Variants in SNTB1 observed in about 807,000 individuals in gnomAD.
SNTB1 encodes syntrophin beta 1.
In SNTB1, 36 loss-of-function variants were observed where a neutral mutation model predicts 48.9. The ratio of observed to expected loss-of-function variants is 0.74; its 90% CI spans 0.56 to 0.97. SNTB1 has a LOEUF of 0.97. SNTB1 is among the 50% of genes least tolerant of loss of function. The pLI, the probability that SNTB1 is intolerant of heterozygous loss-of-function variation, is 0.00. For missense variants in SNTB1, 786 were observed against 703.4 expected (o/e 1.12, Z -1.33); for synonymous variants, 299 against 294.6 (o/e 1.01, Z -0.15).
chr8:120,801,951 G>C (rs984692215), intron 1 of SNTB1, among the ~76,000 whole-genome samples: 1 of 152,122 alleles, frequency 6.6e-6, no homozygotes, highest in African/African-American at 2.4e-5. Context: ...CTTTCTGAGT[G>C]ATGGGTCTAT....
At chr8:120,799,608 A>G (rs1820182167) in intron 1 of SNTB1, among the ~76,000 whole-genome samples, 1 of 152,020 alleles carries the variant, frequency 6.6e-6, no homozygotes, top group African/African-American at 2.4e-5. Flanking sequence ...AAATGAAGGA[A>G]AAGTGGAGAA....
At chr8:120,745,408 C>T (rs563559029) in intron 1 of SNTB1, among the ~76,000 whole-genome samples, 33 of 152,178 alleles carry the variant, frequency 2.2e-4, no homozygotes, top group Middle Eastern at 3.4e-3. Context: ...ATCCTACAGA[C>T]GGAGAGAAGC....
intron 3 of SNTB1, among the ~76,000 whole-genome samples, chr8:120,576,178 A>G (rs1200993524): frequency 1.3e-5 from 2 of 152,204 alleles, no homozygotes; most frequent in Non-Finnish European, 2.9e-5. Context: ...CATTTTAACA[A>G]AATCTTCAGG....
At chr8:120,624,185 A>G (rs992045370) in intron 3 of SNTB1, among the ~76,000 whole-genome samples, 2 of 152,072 alleles carry the variant, frequency 1.3e-5, no homozygotes, top group Non-Finnish European at 2.9e-5. Context: ...TGATCCACCC[A>G]TCTCAGCCTC....
At chr8:120,713,870 T>G (rs1818509508) in intron 1 of SNTB1, among the ~76,000 whole-genome samples, 1 of 152,194 alleles carries the variant, frequency 6.6e-6, no homozygotes, top group Non-Finnish European at 1.5e-5. Flanking sequence ...TAATTGGATG[T>G]AGGCATTAAA....
Position 120,548,958 on chromosome 8 carries a change from C to G in SNTB1, c.1137G>C (p.Arg379Ser). 6.4e-7 allele frequency: 1 copy of G among 1,560,580 alleles called. No individual in the cohort carries two copies. Among genetic ancestry groups the G allele is most frequent in the Non-Finnish European group, 8.7e-7 (1 of 1,155,438 alleles). The change falls in exon 5 of 7, where the codon AGG becomes AGC. Residue 379 changes from arginine to serine, a missense_variant and splice_region_variant. Physicochemically the swap from Arg to Ser is moderately radical, Grantham distance 110 (BLOSUM62 -1). Coordinates refer to ENST00000517992, the MANE Select transcript of SNTB1 (RefSeq NM_021021.4). ...PVHTYPLLAT[R>S]LVHSGPGKGS... ...CCTTTCCTGGACCTGAATGGACCAG[C>G]CTGGAGAGAGAGAGAGAGAGACATC...
At chr8:120,686,132 C>A (rs770616559) in intron 2 of SNTB1, among the ~76,000 whole-genome samples, 1 of 152,164 alleles carries the variant, frequency 6.6e-6, no homozygotes, top group Non-Finnish European at 1.5e-5. Context: ...GAGACCTCAC[C>A]AGAATTCTCC....
intron 1 of SNTB1, among the ~76,000 whole-genome samples, chr8:120,727,850 T>C (rs1395636014): frequency 6.6e-6 from 1 of 152,144 alleles, no homozygotes; most frequent in East Asian, 1.9e-4. Context: ...TGCTATACCA[T>C]ATAGCTTCCT....
At chr8:120,591,734 G>C (rs1331945776) in intron 3 of SNTB1, among the ~76,000 whole-genome samples, 1 of 152,082 alleles carries the variant, frequency 6.6e-6, no homozygotes. Flanking sequence ...TTGTTCCCCT[G>C]GGTGTCCTAT....
intron 1 of SNTB1, among the ~76,000 whole-genome samples, chr8:120,756,748 T>C (rs1455450213): frequency 6.6e-6 from 1 of 152,094 alleles, no homozygotes; most frequent in African/African-American, 2.4e-5. Flanking sequence ...TAATGGGGCT[T>C]TTTATATCCC....
intron 3 of SNTB1, among the ~76,000 whole-genome samples, chr8:120,615,058 G>A (rs1816690518): frequency 6.6e-6 from 1 of 151,742 alleles, no homozygotes; most frequent in East Asian, 1.9e-4. Context: ...GGCTAAGGCA[G>A]GGGAATCACT....
chr8:120,675,367 A>G (rs1817818634), intron 2 of SNTB1, among the ~76,000 whole-genome samples: 1 of 152,192 alleles, frequency 6.6e-6, no homozygotes, highest in African/African-American at 2.4e-5. Context: ...TATTAGTTAC[A>G]ATAGGATAGA....
chr8:120,766,975 T>C (rs1328566954), intron 1 of SNTB1, among the ~76,000 whole-genome samples: 5 of 151,864 alleles, frequency 3.3e-5, no homozygotes, highest in Admixed American at 3.3e-4. Context: ...ATCCCAGAGT[T>C]TTTTTCACAA....
At chr8:120,588,009 T>A (rs1021720293) in intron 3 of SNTB1, among the ~76,000 whole-genome samples, 24 of 152,164 alleles carry the variant, frequency 1.6e-4, no homozygotes, top group Non-Finnish European at 3.2e-4. Context: ...ACAATTTTTT[T>A]AAAAAAGCTA....
intron 2 of SNTB1, among the ~76,000 whole-genome samples, chr8:120,687,416 G>C (rs371068119): frequency 1.1e-4 from 16 of 152,178 alleles, no homozygotes; most frequent in African/African-American, 3.4e-4. Context: ...GGGCAGGGAA[G>C]GGCCACATGG....
chr8:120,544,790 CTTTTTTT>C (rs113100073), intron 5 of SNTB1, among the ~76,000 whole-genome samples: 19 of 114,154 alleles, frequency 1.7e-4, no homozygotes, highest in Admixed American at 1.4e-3. Context: ...AAATTCAAAA[CTTTTTTT>C]TTTTTTTTTT....
intron 1 of SNTB1, among the ~76,000 whole-genome samples, chr8:120,719,849 T>C (rs1818627731): frequency 6.6e-6 from 1 of 152,236 alleles, no homozygotes; most frequent in African/African-American, 2.4e-5. Context: ...TCAGTCCTCA[T>C]GCCATGGAAT....
chr8:120,736,367 T>C (rs1435882997), intron 1 of SNTB1, among the ~76,000 whole-genome samples: 1 of 152,144 alleles, frequency 6.6e-6, no homozygotes, highest in African/African-American at 2.4e-5. Context: ...CAAAAGTTGA[T>C]ATTCTGAAGA....
chr8:120,749,219 C>G (rs1819172837), intron 1 of SNTB1, among the ~76,000 whole-genome samples: 1 of 152,130 alleles, frequency 6.6e-6, no homozygotes, highest in African/African-American at 2.4e-5. Context: ...CTAGCTAGTT[C>G]TTCCAAAGAC....
Sources: gnomAD v4.1 joint callset for allele counts (sites outside exome capture counted in the v4.1 genomes callset) on GRCh38, gnomAD v4.1.1 for gene constraint, MANE v1.5 for transcripts, NCBI Gene and HGNC (gene_info 2026-07-23, HGNC 2026-07-21) for gene names.